Variants in MSRA observed in about 807,000 individuals in gnomAD.
MSRA encodes the protein mitochondrial peptide methionine sulfoxide reductase.
A neutral mutation model predicts 31.3 loss-of-function variants in MSRA; 54 were observed. That is an observed-to-expected ratio of 1.73 (90% CI 1.39 to 2.17). The LOEUF (loss-of-function observed/expected upper bound fraction) is 2.17, where lower values mean the gene tolerates loss of function less well. Among genes scored for constraint, MSRA ranks in the 30% most tolerant of loss-of-function variants. The probability of loss-of-function intolerance (pLI) is 0.00; values close to 1 mark genes in which losing one functional copy is unlikely to be tolerated. For missense variants in MSRA, 507 were observed against 300.9 expected, an observed-to-expected ratio of 1.69 and a Z score of -5.07; for synonymous variants, 169 against 116.5, an observed-to-expected ratio of 1.45 and a Z score of -2.90.
At chr8:10,075,298 TTG>T (rs1797946392) in intron 1 of MSRA, among the ~76,000 whole-genome samples, 1 of 152,186 alleles carries the variant, frequency 6.6e-6, no homozygotes, top group South Asian at 2.1e-4. Flanking sequence ...TATTTGGAAG[TTG>T]TGTGTTCAAT....
At chr8:10,230,193 C>T (rs748142902) in intron 2 of MSRA, among the ~76,000 whole-genome samples, 9 of 152,152 alleles carry the variant, frequency 5.9e-5, no homozygotes, top group Non-Finnish European at 1.2e-4. Context: ...TACAGGGAAG[C>T]CAGCAGGCAT....
intron 1 of MSRA, among the ~76,000 whole-genome samples, chr8:10,170,089 G>A (rs1337675327): frequency 8.2e-6 from 1 of 121,588 alleles, no homozygotes; most frequent in Admixed American, 9.5e-5. Flanking sequence ...GTTTCACCAT[G>A]TTAGTCAGGT....
intron 1 of MSRA, among the ~76,000 whole-genome samples, chr8:10,125,803 A>G (rs1801457578): frequency 6.6e-6 from 1 of 152,258 alleles, no homozygotes; most frequent in African/African-American, 2.4e-5. Flanking sequence ...TTTGTTGATG[A>G]CCAGAAGTTC....
intron 2 of MSRA, among the ~76,000 whole-genome samples, chr8:10,242,916 C>T (rs979419086): frequency 5.9e-5 from 9 of 152,176 alleles, no homozygotes; most frequent in Non-Finnish European, 1.2e-4. Context: ...TTCAGCCACA[C>T]GTGGCACCCC....
intron 3 of MSRA, among the ~76,000 whole-genome samples, chr8:10,292,539 G>A (rs181705792): frequency 2.1e-4 from 32 of 152,338 alleles, no homozygotes; most frequent in Middle Eastern, 3.4e-3. Flanking sequence ...CTCCACCGTC[G>A]GTCCTCTTCA....
At chr8:10,229,336 G>A (rs17750018) in intron 2 of MSRA, among the ~76,000 whole-genome samples, 2,229 of 152,334 alleles carry the variant, frequency 0.015, 34 homozygotes, top group South Asian at 0.033. Flanking sequence ...TCTGAGTTGG[G>A]TGATAACCAA....
At chr8:10,146,862 T>C (rs1803188500) in intron 1 of MSRA, among the ~76,000 whole-genome samples, 1 of 152,134 alleles carries the variant, frequency 6.6e-6, no homozygotes. Context: ...TGGAAGGGCT[T>C]GCTGAAAGGT....
At chr8:10,425,138 G>GC (rs1809062938) in intron 5 of MSRA, among the ~76,000 whole-genome samples, 1 of 152,040 alleles carries the variant, frequency 6.6e-6, no homozygotes, top group African/African-American at 2.4e-5. Context: ...AGTTTTGGCG[G>GC]TGGGTGGGGG....
intron 5 of MSRA, among the ~76,000 whole-genome samples, chr8:10,416,046 G>A (rs1563456345): frequency 6.6e-6 from 1 of 152,120 alleles, no homozygotes; most frequent in East Asian, 1.9e-4. Flanking sequence ...GTCACTCCCT[G>A]GGGTGTGGCT....
intron 3 of MSRA, among the ~76,000 whole-genome samples, chr8:10,273,628 C>G (rs1037469103): frequency 5.9e-5 from 9 of 152,166 alleles, no homozygotes; most frequent in African/African-American, 2.2e-4. Context: ...CAACCTCCCA[C>G]CATCTCACTT....
At chr8:10,187,268 T>C (rs573310253) in intron 1 of MSRA, among the ~76,000 whole-genome samples, 131 of 152,316 alleles carry the variant, frequency 8.6e-4, no homozygotes, top group African/African-American at 3.1e-3. Flanking sequence ...CTGGAGTGTC[T>C]TGAAGGGTTT....
chr8:10,332,454 C>T (rs1190220186), intron 5 of MSRA, among the ~76,000 whole-genome samples: 2 of 150,946 alleles, frequency 1.3e-5, no homozygotes, highest in African/African-American at 4.9e-5. Flanking sequence ...AGAAAAATCC[C>T]CCCTCCCCAC....
chr8:10,407,810 T>G lies in MSRA; in HGVS notation c.544-20338T>G, dbSNP rs536114607. On this transcript the variant is annotated intron_variant, in intron 5 of 5. Coordinates refer to ENST00000317173, the MANE Select transcript of MSRA (RefSeq NM_012331.5). Reference sequence around the variant, plus strand: ...AGGATAGCTTACATTTTAATCAAAATTCTTGCTTGCTCCTTACATTTTTAT... The same window carrying G: ...AGGATAGCTTACATTTTAATCAAAAGTCTTGCTTGCTCCTTACATTTTTAT... 1.7e-4 allele frequency among the ~76,000 whole-genome samples: 26 copies of G among 152,308 alleles called. No homozygotes were observed. In the East Asian group the frequency reaches 5.0e-3, roughly 29 times the overall value.
At chr8:10,427,250 A>G (rs1275755539) in intron 5 of MSRA, among the ~76,000 whole-genome samples, 1 of 152,212 alleles carries the variant, frequency 6.6e-6, no homozygotes, top group African/African-American at 2.4e-5. Flanking sequence ...ACATGCTTCA[A>G]GCAGCCTGCA....
chr8:10,113,432 G>A (rs568283123), intron 1 of MSRA, among the ~76,000 whole-genome samples: 10 of 151,150 alleles, frequency 6.6e-5, no homozygotes, highest in African/African-American at 9.7e-5. Flanking sequence ...GAAAGAGGAG[G>A]GGAAACAGCT....
chr8:10,202,086 A>T (rs1808552606), intron 1 of MSRA, among the ~76,000 whole-genome samples: 1 of 152,226 alleles, frequency 6.6e-6, no homozygotes, highest in Non-Finnish European at 1.5e-5. Flanking sequence ...CTGTTTAATA[A>T]ATTTGTTTCT....
In MSRA at chr8:10,207,773, T is replaced by C. The variant is rs1809123182; in HGVS notation, c.143-60T>C. ...AGGCTCATTGACACATTTAATGACA[T>C]GTGTTAGTATGTGTTAGAACTTTAC... On this transcript the variant is annotated intron_variant, in intron 1 of 5. Coordinates refer to ENST00000317173, the MANE Select transcript of MSRA (RefSeq NM_012331.5). The C allele has an allele frequency of 9.0e-6, 13 of 1,445,102 alleles. 1 individual carries two copies. In the South Asian group the frequency reaches 1.6e-4, roughly 18 times the overall value. 89.5% of individuals were successfully genotyped at this position (1,445,102 alleles called of 1,614,324 possible).
At chr8:10,294,597 G>A (rs576306423) in intron 3 of MSRA, among the ~76,000 whole-genome samples, 1 of 152,176 alleles carries the variant, frequency 6.6e-6, no homozygotes, top group Non-Finnish European at 1.5e-5. Context: ...CTTTGGTCTG[G>A]GTGGTGCCCA....
chr8:10,089,873 C>G (rs966428704), intron 1 of MSRA, among the ~76,000 whole-genome samples: 6 of 152,222 alleles, frequency 3.9e-5, no homozygotes, highest in African/African-American at 1.2e-4. Context: ...TGAGAGCTCA[C>G]TTGATCCCTT....
Sources: gnomAD v4.1 joint callset for allele counts (sites outside exome capture counted in the v4.1 genomes callset) on GRCh38, gnomAD v4.1.1 for gene constraint, MANE v1.5 for transcripts, NCBI Gene and HGNC (gene_info 2026-07-23, HGNC 2026-07-21) for gene names.